CSMD3: variants seen among roughly 807,000 people sequenced by gnomAD.
CSMD3 encodes CUB and sushi domain-containing protein 3.
Under a neutral mutation model 435.2 loss-of-function variants are expected in CSMD3, and 177 were observed. The observed-to-expected ratio is 0.41, with a 90% confidence interval of 0.36 to 0.46. The LOEUF is 0.46. Among genes scored for constraint, CSMD3 ranks in the 20% least tolerant of loss-of-function variants. CSMD3 has a pLI of 0.34. For missense variants in CSMD3, 4,265 were observed against 4,504.6 expected (o/e 0.95, Z 1.52); for synonymous variants, 1,656 against 1,520.5 (o/e 1.09, Z -2.07).
At chr8:113,215,682 C>T (rs1482785792) in intron 3 of CSMD3, among the ~76,000 whole-genome samples, 1 of 151,828 alleles carries the variant, frequency 6.6e-6, no homozygotes, top group African/African-American at 2.4e-5. Flanking sequence ...ATAATGCAAG[C>T]ACACATAAAA....
chr8:113,221,223 A>G (rs566270621), intron 3 of CSMD3, among the ~76,000 whole-genome samples: 2 of 151,404 alleles, frequency 1.3e-5, no homozygotes, highest in East Asian at 3.9e-4. Flanking sequence ...ATCCACTGAA[A>G]TTGAAAACTG....
At chr8:112,481,173 T>C (rs1035131301) in intron 31 of CSMD3, among the ~76,000 whole-genome samples, 2 of 151,796 alleles carry the variant, frequency 1.3e-5, no homozygotes, top group Admixed American at 6.6e-5. Context: ...GTATGTGGGA[T>C]GAAGGAGCAA....
At position 112,505,150 on chromosome 8, in the gene CSMD3, G is replaced by A. The variant is rs75848698; in HGVS notation, c.4896-1173C>T. On this transcript the variant is annotated intron_variant, in intron 29 of 70. Coordinates refer to ENST00000297405, the MANE Select transcript of CSMD3 (RefSeq NM_198123.2). ...AGTGGTAAAGAAAGAATGGGATAGT[G>A]CAGAGGTTCCCAGACTTTTCTTATA... is the stretch of plus-strand genomic sequence containing the variant. Among the ~76,000 whole-genome samples, 170 of 152,256 alleles carry A rather than the reference G, an allele frequency of 1.1e-3. 4 individuals are homozygous for A. The East Asian group carries it at 0.028, about 25-fold the overall frequency.
chr8:113,371,064 G>A (rs1384105604), intron 1 of CSMD3, among the ~76,000 whole-genome samples: 1 of 151,862 alleles, frequency 6.6e-6, no homozygotes, highest in African/African-American at 2.4e-5. Context: ...CTCTACTTTT[G>A]CATATATTTG....
intron 4 of CSMD3, among the ~76,000 whole-genome samples, chr8:113,134,673 G>A (rs1403305478): frequency 1.3e-5 from 2 of 151,982 alleles, no homozygotes; most frequent in East Asian, 1.9e-4. Flanking sequence ...AACCAGGTAG[G>A]GGTTTTCAAC....
Position 112,666,387 on chromosome 8 carries a change from G to A in CSMD3, c.2706C>T (p.Pro902=), listed in dbSNP as rs1417821961. 6.2e-7 allele frequency: 1 copy of A among 1,612,270 alleles called. No homozygotes were observed. Among genetic ancestry groups the A allele is most frequent in the African/African-American group, 1.3e-5 (1 of 74,830 alleles). The change falls in exon 17 of 71, where the codon CCC becomes CCT. Residue 902 remains proline, a synonymous_variant. Coordinates refer to ENST00000297405, the MANE Select transcript of CSMD3 (RefSeq NM_198123.2). ...ATCCTGGTGAGAGAATCACTCCACT[G>A]GGAGCTGAAAAATGGCCACCACATG... ...GAPCGGHFSA[P]SGVILSPGWP...
chr8:112,681,033 C>A (rs930299088), intron 16 of CSMD3, among the ~76,000 whole-genome samples: 6 of 149,194 alleles, frequency 4.0e-5, no homozygotes, highest in African/African-American at 1.2e-4. Context: ...TACTTTTTTC[C>A]TTTTTCTTTT....
intron 13 of CSMD3, among the ~76,000 whole-genome samples, chr8:112,752,081 C>A (rs758192021): frequency 4.6e-5 from 7 of 152,130 alleles, no homozygotes; most frequent in Non-Finnish European, 1.0e-4. Context: ...GTAAGGAATA[C>A]CAATGTCTTT....
chr8:113,181,673 A>G (rs985914873), intron 3 of CSMD3, among the ~76,000 whole-genome samples: 3 of 152,074 alleles, frequency 2.0e-5, no homozygotes, highest in Non-Finnish European at 4.4e-5. Context: ...TGAAATATAA[A>G]AAGTTATGAT....
chr8:112,872,957 G>A (rs564093783), intron 10 of CSMD3, among the ~76,000 whole-genome samples: 1 of 152,004 alleles, frequency 6.6e-6, no homozygotes, highest in East Asian at 1.9e-4. Context: ...TGACTAAGAA[G>A]ATGATGTGTA....
chr8:112,786,930 A>C (rs10081489), intron 13 of CSMD3, among the ~76,000 whole-genome samples: 1 of 151,938 alleles, frequency 6.6e-6, no homozygotes, highest in Non-Finnish European at 1.5e-5. Flanking sequence ...TGTCCTCCCT[A>C]TGTCCATGTG....
At chr8:112,622,644 A>G (rs763772246) in intron 22 of CSMD3, among the ~76,000 whole-genome samples, 1 of 152,154 alleles carries the variant, frequency 6.6e-6, no homozygotes, top group Non-Finnish European at 1.5e-5. Context: ...AAGTTCATTC[A>G]TGCTGAATTA....
intron 10 of CSMD3, among the ~76,000 whole-genome samples, chr8:112,870,329 C>T (rs565433748): frequency 1.5e-4 from 22 of 150,582 alleles, no homozygotes; most frequent in Admixed American, 1.5e-3. Context: ...AGTGCAGTGG[C>T]TCGATCTCGG....
intron 4 of CSMD3, among the ~76,000 whole-genome samples, chr8:113,099,560 A>G (rs1167860507): frequency 6.6e-6 from 1 of 152,158 alleles, no homozygotes; most frequent in African/African-American, 2.4e-5. Flanking sequence ...CTTTAGAAAT[A>G]TATTCATATG....
At chr8:112,422,887 G>GATAAGGATGATAGA (rs1812666959) in intron 32 of CSMD3, among the ~76,000 whole-genome samples, 1 of 152,168 alleles carries the variant, frequency 6.6e-6, no homozygotes, top group East Asian at 1.9e-4. Context: ...CCTGGAAACA[G>GATAAGGATGATAGA]ATAAGGATGA....
intron 1 of CSMD3, among the ~76,000 whole-genome samples, chr8:113,369,460 C>T (rs992003667): frequency 5.3e-5 from 8 of 151,734 alleles, no homozygotes; most frequent in Non-Finnish European, 8.8e-5. Context: ...TTGGTGTGGA[C>T]GTAAGTCAGT....
chr8:112,250,131 T>G (rs900770806), intron 63 of CSMD3, among the ~76,000 whole-genome samples: 1 of 152,042 alleles, frequency 6.6e-6, no homozygotes, highest in African/African-American at 2.4e-5. Flanking sequence ...CTTTGAAGGG[T>G]ATATTTGGGT....
At chr8:113,218,768 T>C (rs1194933552) in intron 3 of CSMD3, among the ~76,000 whole-genome samples, 1 of 151,348 alleles carries the variant, frequency 6.6e-6, no homozygotes, top group Admixed American at 6.6e-5. Context: ...GTAACCTTTA[T>C]CCAAAATGCT....
At chr8:112,731,510 A>T (rs1168458116) in intron 13 of CSMD3, among the ~76,000 whole-genome samples, 1 of 152,160 alleles carries the variant, frequency 6.6e-6, no homozygotes, top group African/African-American at 2.4e-5. Context: ...TGGATTTTAG[A>T]TAAATTAACT....
Sources: gnomAD v4.1 joint callset for allele counts (sites outside exome capture counted in the v4.1 genomes callset) on GRCh38, gnomAD v4.1.1 for gene constraint, MANE v1.5 for transcripts, NCBI Gene and HGNC (gene_info 2026-07-23, HGNC 2026-07-21) for gene names.